Variants in TULP4 observed in about 807,000 individuals in gnomAD.
The protein encoded by TULP4 is TUB like protein 4.
Under a neutral mutation model 129.0 loss-of-function variants are expected in TULP4, and 16 were observed. The ratio of observed to expected loss-of-function variants is 0.12; its 90% CI spans 0.08 to 0.19. The LOEUF (loss-of-function observed/expected upper bound fraction) is 0.19, where lower values mean the gene tolerates loss of function less well. Among genes scored for constraint, TULP4 ranks in the 10% least tolerant of loss-of-function variants. TULP4 has a pLI of 1.00. For synonymous variants in TULP4, 998 were observed against 854.0 expected, an observed-to-expected ratio of 1.17 and a Z score of -2.94; for missense variants, 1,842 against 2,059.1, an observed-to-expected ratio of 0.89 and a Z score of 2.04.
intron 9 of TULP4, among the ~76,000 whole-genome samples, chr6:158,489,965 A>G (rs1471074940): frequency 1.3e-5 from 2 of 152,190 alleles, no homozygotes; most frequent in Admixed American, 6.5e-5. Context: ...GAACTTCTCT[A>G]GGGGTTAGCA....
intron 1 of TULP4, among the ~76,000 whole-genome samples, chr6:158,383,169 G>A (rs567010934): frequency 2.0e-5 from 3 of 152,214 alleles, no homozygotes; most frequent in East Asian, 1.9e-4. Context: ...TAAGATGCGG[G>A]GCCTGGACTT....
chr6:158,399,538 C>T (rs1777796548), intron 1 of TULP4, among the ~76,000 whole-genome samples: 1 of 152,202 alleles, frequency 6.6e-6, no homozygotes, highest in African/African-American at 2.4e-5. Context: ...GAGTTAGAAT[C>T]AGTGAAGTGT....
intron 1 of TULP4, among the ~76,000 whole-genome samples, chr6:158,410,004 C>T (rs1018883242): frequency 2.6e-5 from 4 of 151,952 alleles, no homozygotes; most frequent in Admixed American, 6.6e-5. Flanking sequence ...TACAGGTGCC[C>T]GCCACCACGC....
intron 1 of TULP4, among the ~76,000 whole-genome samples, chr6:158,326,498 G>A (rs559455705): frequency 6.6e-6 from 1 of 152,066 alleles, no homozygotes; most frequent in Non-Finnish European, 1.5e-5. Context: ...TGTCGTTTAT[G>A]GAATCTTGTA....
chr6:158,380,712 G>A (rs1035638633), intron 1 of TULP4, among the ~76,000 whole-genome samples: 4 of 151,230 alleles, frequency 2.6e-5, no homozygotes, highest in Non-Finnish European at 4.4e-5. Context: ...TGGCCAACAC[G>A]GTGAAACCCT....
intron 1 of TULP4, among the ~76,000 whole-genome samples, chr6:158,251,189 T>C (rs955444540): frequency 2.0e-5 from 3 of 152,248 alleles, no homozygotes; most frequent in Non-Finnish European, 4.4e-5. Context: ...CATAATATTA[T>C]TTTGAGAAGC....
intron 1 of TULP4, among the ~76,000 whole-genome samples, chr6:158,410,090 G>C (rs1417625024): frequency 2.0e-5 from 3 of 152,134 alleles, no homozygotes; most frequent in Non-Finnish European, 4.4e-5. Context: ...TCCTGACCTC[G>C]TCATCTGCCC....
intron 1 of TULP4, among the ~76,000 whole-genome samples, chr6:158,405,027 G>T (rs2114989730): frequency 6.6e-6 from 1 of 152,190 alleles, no homozygotes; most frequent in African/African-American, 2.4e-5. Flanking sequence ...CCTTCTTTCA[G>T]CTTCACTTAC....
chr6:158,433,706 CAA>C (rs1562564493), intron 3 of TULP4, among the ~76,000 whole-genome samples: 2 of 151,800 alleles, frequency 1.3e-5, no homozygotes, highest in African/African-American at 4.8e-5. Flanking sequence ...AACTCTGTCT[CAA>C]AAAAAAGTTA....
intron 1 of TULP4, among the ~76,000 whole-genome samples, chr6:158,399,109 T>C (rs1777786644): frequency 6.6e-6 from 1 of 152,238 alleles, no homozygotes; most frequent in Admixed American, 6.5e-5. Flanking sequence ...TAAATCCTAA[T>C]GTAGTGAGGA....
chr6:158,470,652 G>C (rs544560238), intron 6 of TULP4, among the ~76,000 whole-genome samples: 13 of 152,344 alleles, frequency 8.5e-5, no homozygotes, highest in Admixed American at 2.6e-4. Context: ...ACCATTAAAG[G>C]AAATATGTCA....
At chr6:158,412,311 G>A (rs1327584710) in intron 1 of TULP4, among the ~76,000 whole-genome samples, 5 of 152,132 alleles carry the variant, frequency 3.3e-5, no homozygotes, top group African/African-American at 4.8e-5. Context: ...CATGGTGTCC[G>A]GGGACCATTC....
chr6:158,343,221 G>T (rs1780224039), intron 1 of TULP4, among the ~76,000 whole-genome samples: 1 of 152,162 alleles, frequency 6.6e-6, no homozygotes, highest in African/African-American at 2.4e-5. Context: ...TGTAGTTCCT[G>T]TCAAAGGGCT....
At chr6:158,386,110 G>A (rs988043994) in intron 1 of TULP4, among the ~76,000 whole-genome samples, 2 of 151,880 alleles carry the variant, frequency 1.3e-5, no homozygotes, top group African/African-American at 4.8e-5. Flanking sequence ...CTCCCAAAGT[G>A]CTATGATTAC....
chr6:158,364,405 G>A (rs781008323), intron 1 of TULP4, among the ~76,000 whole-genome samples: 2 of 152,072 alleles, frequency 1.3e-5, no homozygotes, highest in Non-Finnish European at 2.9e-5. Flanking sequence ...TTCCCTTTGG[G>A]TTTTTATTAT....
At chr6:158,296,754 T>C (rs117880076) in intron 1 of TULP4, among the ~76,000 whole-genome samples, 2,142 of 152,266 alleles carry the variant, frequency 0.014, 22 homozygotes, top group Non-Finnish European at 0.021. Flanking sequence ...CACATATTGG[T>C]AGGTCCATGA....
At chr6:158,300,604 G>A (rs1779115325) in intron 1 of TULP4, among the ~76,000 whole-genome samples, 1 of 152,144 alleles carries the variant, frequency 6.6e-6, no homozygotes, top group Non-Finnish European at 1.5e-5. Context: ...GTCTTTATTT[G>A]ATATGGAAGC....
intron 1 of TULP4, among the ~76,000 whole-genome samples, chr6:158,383,502 A>G (rs761949203): frequency 6.6e-5 from 10 of 152,222 alleles, no homozygotes; most frequent in Non-Finnish European, 7.3e-5. Flanking sequence ...GTAGTTGCCT[A>G]TTTTCAAAGT....
At chr6:158,439,705 T>TC (rs1355504437) in intron 3 of TULP4, among the ~76,000 whole-genome samples, 4 of 66,424 alleles carry the variant, frequency 6.0e-5, no homozygotes, top group Admixed American at 1.4e-4. Flanking sequence ...AGTTTCTTTT[T>TC]TTTTTTTTTT....
Sources: gnomAD v4.1 joint callset for allele counts (sites outside exome capture counted in the v4.1 genomes callset) on GRCh38, gnomAD v4.1.1 for gene constraint, MANE v1.5 for transcripts, NCBI Gene and HGNC (gene_info 2026-07-23, HGNC 2026-07-21) for gene names.